The following PCDH11X variants were observed in gnomAD, a reference collection of about 807,000 sequenced individuals.
PCDH11X encodes the protein protocadherin-11 X-linked.
A neutral mutation model predicts 53.3 loss-of-function variants in PCDH11X; 18 were observed. The ratio of observed to expected loss-of-function variants is 0.34; its 90% CI spans 0.23 to 0.50. PCDH11X has a LOEUF of 0.50. Ranked by LOEUF, PCDH11X falls within the 20% of genes least tolerant of loss-of-function variation. The pLI, the probability that PCDH11X is intolerant of heterozygous loss-of-function variation, is 0.98. For missense variants in PCDH11X, 570 were observed against 1,032.4 expected (o/e 0.55, Z 6.14); for synonymous variants, 279 against 393.3 (o/e 0.71, Z 3.44).
At chrX:92,597,474 A>C (rs1925753775) in intron 10 of PCDH11X, among the ~76,000 whole-genome samples, 1 of 111,801 alleles carries the variant, frequency 8.9e-6, no homozygotes, top group African/African-American at 3.2e-5. Flanking sequence ...TAACCAAAGA[A>C]GTAAAAGATC....
Position 92,282,795 on chromosome X carries a change from G to T in PCDH11X, c.3144+19652G>T, listed in dbSNP as rs748339359. 2.7e-5 allele frequency among the ~76,000 whole-genome samples: 3 copies of T among 111,259 alleles called. No homozygotes were observed. The East Asian group carries it at 8.5e-4, about 32-fold the overall frequency. ...TTAGTTCCAGTATTTCTGCTGGGAA[G>T]CTATGGGCAGATTGCTATCGTTTTT... On this transcript the variant is annotated intron_variant, in intron 8 of 10. Transcript: ENST00000682573.
At chrX:91,871,959 A>C (rs1311631598) in intron 5 of PCDH11X, among the ~76,000 whole-genome samples, 1 of 111,207 alleles carries the variant, frequency 9.0e-6, no homozygotes, top group Non-Finnish European at 1.9e-5. Context: ...CTGAATTGGC[A>C]CTTTTGTATA....
intron 8 of PCDH11X, among the ~76,000 whole-genome samples, chrX:92,346,873 G>A (rs5942217): frequency 0.25 from 28,041 of 110,261 alleles, 2,919 homozygotes; most frequent in Non-Finnish European, 0.33. Flanking sequence ...ATGTCTTGTA[G>A]CATATTTTTC....
intron 10 of PCDH11X, among the ~76,000 whole-genome samples, chrX:92,510,588 G>A (rs1387833829): frequency 1.9e-5 from 2 of 106,517 alleles, no homozygotes; most frequent in Non-Finnish European, 3.9e-5. Context: ...CTTGAAAAGA[G>A]GACTATGCTG....
intron 10 of PCDH11X, among the ~76,000 whole-genome samples, chrX:92,508,104 C>T (rs1176889838): frequency 3.8e-4 from 42 of 109,783 alleles, no homozygotes; most frequent in Non-Finnish European, 1.3e-4. Flanking sequence ...CGTGAGCCAC[C>T]GCACCCAGTC....
At chrX:92,055,620 T>C (rs996053559) in intron 6 of PCDH11X, among the ~76,000 whole-genome samples, 1 of 110,579 alleles carries the variant, frequency 9.0e-6, no homozygotes, top group Non-Finnish European at 1.9e-5. Flanking sequence ...TAGGTAAACT[T>C]ATGTCATAGG....
intron 9 of PCDH11X, among the ~76,000 whole-genome samples, chrX:92,457,407 C>T (rs1056801521): frequency 4.8e-5 from 5 of 105,131 alleles, no homozygotes; most frequent in Admixed American, 4.1e-4. Flanking sequence ...AAATCAAAGT[C>T]TCCAATTCTT....
intron 5 of PCDH11X, among the ~76,000 whole-genome samples, chrX:91,873,866 C>A (rs1460753617): frequency 9.0e-6 from 1 of 111,111 alleles, no homozygotes; most frequent in African/African-American, 3.3e-5. Context: ...CTTACAATTT[C>A]CCCATATAGC....
At position 92,201,401 on chromosome X, in the gene PCDH11X, C is replaced by T. The variant is rs139061770; in HGVS notation, c.3060C>T (p.Cys1020=). 403 of 1,201,849 alleles carry T rather than the reference C, an allele frequency of 3.4e-4. No homozygotes were observed. The highest frequency in any genetic ancestry group is 9.2e-4 in the Middle Eastern group (4 of 4,356). Residue 1020 remains cysteine, a synonymous_variant, in exon 7 of 11, where the codon TGC becomes TGT. Coordinates refer to ENST00000682573, the MANE Select transcript of PCDH11X (RefSeq NM_032968.5). ...CAATGAAGGAGGTTGTGCGATCTTG[C>T]ACCCCCATGAAAGAGTCTACAACTA... ...RPPMKEVVRS[C]TPMKESTTME... is the part of the protein sequence containing the mutation.
In PCDH11X at chrX:92,452,471, A is replaced by G. The variant is rs1276101409; in HGVS notation, c.3344-15828A>G. Reference sequence around the variant, plus strand: ...TATAGATGTGTGTGTGTGTATATATATATATATATATATATATATATATAT... The same window carrying G: ...TATAGATGTGTGTGTGTGTATATATGTATATATATATATATATATATATAT... On this transcript the variant is annotated intron_variant, in intron 9 of 10. Transcript: ENST00000682573. Among the ~76,000 whole-genome samples the G allele has an allele frequency of 3.8e-3, 183 of 48,758 alleles. 5 individuals carry two copies. The highest frequency in any genetic ancestry group is 0.02 in the African/African-American group (170 of 8,368). The allele number at this position is 48,758 out of a possible 115,157, so 42.3% of individuals were successfully genotyped here.
intron 9 of PCDH11X, among the ~76,000 whole-genome samples, chrX:92,411,884 A>G (rs1373579086): frequency 3.8e-5 from 3 of 77,967 alleles, no homozygotes; most frequent in East Asian, 1.1e-3. Context: ...AGAAGAAGAA[A>G]AAGAAGAAGA....
intron 6 of PCDH11X, among the ~76,000 whole-genome samples, chrX:92,117,617 A>G (rs1173295187): frequency 9.0e-6 from 1 of 111,454 alleles, no homozygotes; most frequent in Non-Finnish European, 1.9e-5. Flanking sequence ...AATACAAGTA[A>G]TTTTTAATCT....
chrX:92,233,040 A>G (rs2067109969), intron 7 of PCDH11X, among the ~76,000 whole-genome samples: 1 of 111,065 alleles, frequency 9.0e-6, no homozygotes. Flanking sequence ...TAAATAGTAA[A>G]ATCTGACTCT....
intron 4 of PCDH11X, among the ~76,000 whole-genome samples, chrX:91,831,600 CTT>C (rs982678602): frequency 7.9e-5 from 8 of 101,371 alleles, no homozygotes; most frequent in African/African-American, 2.9e-4. Context: ...TCAAAGAAAA[CTT>C]AATAAATTTT....
At chrX:92,146,347 G>A (rs1461507794) in intron 6 of PCDH11X, among the ~76,000 whole-genome samples, 2 of 111,034 alleles carry the variant, frequency 1.8e-5, no homozygotes, top group East Asian at 2.8e-4. Flanking sequence ...GGGGGTGGGG[G>A]TGAGAGGGAG....
chrX:92,614,331 AT>A (rs764081627), intron 10 of PCDH11X, among the ~76,000 whole-genome samples: 39 of 107,174 alleles, frequency 3.6e-4, no homozygotes, highest in East Asian at 1.8e-3. Context: ...TAACATTATT[AT>A]TTTTTTTTTC....
chrX:92,033,614 C>T, intron 6 of PCDH11X, among the ~76,000 whole-genome samples: 1 of 108,075 alleles, frequency 9.3e-6, no homozygotes, highest in East Asian at 2.9e-4. Context: ...CCTTTTTCAT[C>T]TCTGATTTTG....
chrX:91,868,007 C>A (rs1939085401), intron 5 of PCDH11X, among the ~76,000 whole-genome samples: 1 of 111,127 alleles, frequency 9.0e-6, no homozygotes, highest in Non-Finnish European at 1.9e-5. Context: ...TGGGCTACAT[C>A]CTACTTCTCA....
chrX:92,337,937 A>G (rs180831045), intron 8 of PCDH11X, among the ~76,000 whole-genome samples: 106 of 111,727 alleles, frequency 9.5e-4, no homozygotes, highest in African/African-American at 3.2e-3. Context: ...CTTAAACTCT[A>G]CATTATATTG....
Sources: gnomAD v4.1 joint callset for allele counts (sites outside exome capture counted in the v4.1 genomes callset) on GRCh38, gnomAD v4.1.1 for gene constraint, MANE v1.5 for transcripts, NCBI Gene and HGNC (gene_info 2026-07-23, HGNC 2026-07-21) for gene names.